The following HNF1A variants were observed in gnomAD, a reference collection of about 807,000 sequenced individuals.
HNF1A encodes hepatocyte nuclear factor 1-alpha.
Under a neutral mutation model 62.2 loss-of-function variants are expected in HNF1A, and 21 were observed. That is an observed-to-expected ratio of 0.34 (90% CI 0.24 to 0.49). The LOEUF (loss-of-function observed/expected upper bound fraction) is 0.49, where lower values mean the gene tolerates loss of function less well. Ranked by LOEUF, HNF1A falls within the 20% of genes least tolerant of loss-of-function variation. The pLI is 0.99. For missense variants in HNF1A, 687 were observed against 832.3 expected (o/e 0.83, Z 2.15); for synonymous variants, 374 against 366.8 (o/e 1.02, Z -0.22).
chr12:120,997,200 G>A (rs1371597640), intron 6 of HNF1A: 9 of 1,416,284 alleles, frequency 6.4e-6, no homozygotes, highest in Non-Finnish European at 7.3e-6. Context: ...GAACCCCAGG[G>A]CTCCAGGGAA....
In HNF1A at chr12:120,989,004, C is replaced by T. The variant is rs1876675633; in HGVS notation, c.498C>T (p.Tyr166=). ...TQKRAALYTW[Y]VRKQREVAQQ... is the part of the protein sequence containing the mutation. ...AGCGGGCCGCCCTGTACACCTGGTA[C>T]GTCCGCAAGCAGCGAGAGGTGGCGC... The change falls in exon 2 of 10, where the codon TAC becomes TAT. Residue 166 remains tyrosine (Y), a synonymous_variant. Coordinates refer to ENST00000257555, the MANE Select transcript of HNF1A (RefSeq NM_000545.8). 9.9e-6 allele frequency: 16 copies of T among 1,614,198 alleles called. No homozygotes were observed. Among genetic ancestry groups the T allele is most frequent in the East Asian group, 2.2e-5 (1 of 44,888 alleles).
rs780698787 is a variant in HNF1A, at chr12:120,988,923, C to T, written c.417C>T (p.Leu139=). ...PQREVVDTTG[L]NQSHLSQHLN... ...GGGAGGTGGTCGATACCACTGGCCT[C>T]AACCAGTCCCACCTGTCCCAACACC... Residue 139 remains leucine, a synonymous_variant, in exon 2 of 10, where the codon CTC becomes CTT. Coordinates refer to ENST00000257555, the MANE Select transcript of HNF1A (RefSeq NM_000545.8). 3 of 1,614,266 alleles carry T rather than the reference C, an allele frequency of 1.9e-6. No homozygotes were observed. Among genetic ancestry groups the T allele is most frequent in the East Asian group, 4.5e-5 (2 of 44,892 alleles).
Position 121,001,796 on chromosome 12 carries a change from C to G in HNF1A, c.*604C>G, listed in dbSNP as rs1565889508. ...TGTGCCAGAGCCTGGGGCTCTAACG[C>G]CTGAGCCCAGGGAGGCCGAAGCTAA... On this transcript the variant is annotated 3_prime_UTR_variant, in exon 10 of 10. Coordinates refer to ENST00000257555, the MANE Select transcript of HNF1A (RefSeq NM_000545.8). 1 of 536,250 alleles carries G rather than the reference C, an allele frequency of 1.9e-6. No individual in the cohort carries two copies. The highest frequency in any genetic ancestry group is 3.6e-6 in the Non-Finnish European group (1 of 276,418). The allele number at this position is 536,250 out of a possible 1,614,324, so 33.2% of individuals were successfully genotyped here. A position where few individuals can be genotyped will look rare whatever the true frequency, so the allele number is the denominator to read the frequency against.
In HNF1A at chr12:120,999,586, A is replaced by C. The variant is rs1877318918; in HGVS notation, c.1727A>C (p.Gln576Pro). ...CCCAGCCAGGACCCTGCCAGCATCC[A>C]GCACCTGCAGCCGGCCCACCGGCTC... ...HVPSQDPASI[Q>P]HLQPAHRLSA... The change falls in exon 9 of 10, where the codon CAG becomes CCG. Residue 576 changes from glutamine (Q) to proline (P), a missense_variant. Around this residue, in one of 5 missense-constraint regions of HNF1A, gnomAD observed 408 missense variants for 455.3 expected, o/e 0.90. Transcript: ENST00000257555. The C allele has an allele frequency of 3.1e-6, 5 of 1,612,080 alleles. No homozygotes were observed. The highest frequency in any genetic ancestry group is 3.4e-4 in the Middle Eastern group (2 of 5,876).
In HNF1A at chr12:121,000,906, G is replaced by GTT. The variant is rs3999412; in HGVS notation, c.1769-159_1769-158insTT. ...GGACCCTGGCTGGGAGGCTCCCTTT[G>GTT]AAGAACCGAGGGTAGAGGTGTGACT... On this transcript the variant is annotated intron_variant, in intron 9 of 9. Transcript: ENST00000257555. The GTT allele has an allele frequency of 0.8, 820,637 of 1,029,256 alleles. 330,761 individuals are homozygous for GTT. Among genetic ancestry groups the GTT allele is most frequent in the Admixed American group, 0.9 (45,341 of 50,530 alleles). The allele number at this position is 1,029,256 out of a possible 1,614,324, so 63.8% of individuals were successfully genotyped here. A position where few individuals can be genotyped will look rare whatever the true frequency, so the allele number is the denominator to read the frequency against.
At chr12:120,989,752 GCTGA>G (rs1198633411) in intron 2 of HNF1A, among the ~76,000 whole-genome samples, 7 of 152,330 alleles carry the variant, frequency 4.6e-5, no homozygotes, top group Middle Eastern at 3.4e-3. Flanking sequence ...AGGGTGCTGA[GCTGA>G]CTGTCGACTG....
intron 7 of HNF1A, among the ~76,000 whole-genome samples, chr12:120,998,864 T>C (rs539881670): frequency 2.0e-5 from 3 of 151,990 alleles, no homozygotes; most frequent in African/African-American, 7.2e-5. Flanking sequence ...ATAGCACCTG[T>C]GTTTAGTATA....
intron 1 of HNF1A, among the ~76,000 whole-genome samples, chr12:120,987,103 T>A (rs537232666): frequency 1.3e-5 from 2 of 152,078 alleles, no homozygotes; most frequent in Non-Finnish European, 2.9e-5. Context: ...ACCCACAGAG[T>A]AGGATTCCAG....
At position 120,994,283 on chromosome 12, in the gene HNF1A, G is replaced by A. The variant is rs760640415; in HGVS notation, c.833G>A (p.Arg278Gln). Reference protein sequence around the residue: ...FANRRKEEAFRHKLAMDTYSG... With the variant: ...FANRRKEEAFQHKLAMDTYSG... Reference sequence around the variant, plus strand: ...AACCGGCGCAAAGAAGAAGCCTTCCGGCACAAGCTGGCCATGGACACGTAC... The same window carrying A: ...AACCGGCGCAAAGAAGAAGCCTTCCAGCACAAGCTGGCCATGGACACGTAC... Residue 278 changes from arginine (R) to glutamine (Q), a missense_variant, in exon 4 of 10, where the codon CGG becomes CAG. Around this residue, in one of 5 missense-constraint regions of HNF1A, gnomAD observed 47 missense variants for 109.4 expected, o/e 0.43. Transcript: ENST00000257555. The A allele has an allele frequency of 1.9e-6, 3 of 1,613,140 alleles. No homozygotes were observed. Among genetic ancestry groups the A allele is most frequent in the East Asian group, 2.2e-5 (1 of 44,874 alleles).
intron 7 of HNF1A, chr12:120,998,016 A>C (rs1877206854): frequency 3.6e-6 from 2 of 559,624 alleles, no homozygotes; most frequent in African/African-American, 3.8e-5. Context: ...GTGGTGGCTC[A>C]TGCCTGTAAT....
In HNF1A at chr12:121,001,523, C is replaced by T; in HGVS notation, c.*331C>T. The T allele has an allele frequency of 2.2e-6, 1 of 452,452 alleles. No individual in the cohort carries two copies. The highest frequency in any genetic ancestry group is 4.2e-6 in the Non-Finnish European group (1 of 240,478). 28.0% of individuals were successfully genotyped at this position (452,452 alleles called of 1,614,324 possible). ...GGGCGGCCTATGACTTGGGCACCCC[C>T]AGCCTGGGCCTATGGAGAGCCCTGG... On this transcript the variant is annotated 3_prime_UTR_variant, in exon 10 of 10. Coordinates refer to ENST00000257555, the MANE Select transcript of HNF1A (RefSeq NM_000545.8).
rs1309588482 is a variant in HNF1A at position 120,997,272 on chromosome 12, G to A, written c.1310-202G>A. ...CCTCTCCCACTAGCCTAGACAAAGA[G>A]CTAAAGGCTCAGAGAGGGGGAATGA... On this transcript the variant is annotated intron_variant, in intron 6 of 9. Transcript: ENST00000257555. The A allele has an allele frequency of 5.6e-6, 8 of 1,419,108 alleles. No individual in the cohort carries two copies. The East Asian group carries it at 1.8e-4, about 31-fold the overall frequency. 87.9% of individuals were successfully genotyped at this position (1,419,108 alleles called of 1,614,324 possible).
rs745472106 is a variant in HNF1A at position 120,996,305 on chromosome 12, A to G, written c.999A>G (p.Val333=). The change falls in exon 5 of 10, where the codon GTA becomes GTG. Residue 333 remains valine (V), a synonymous_variant. Transcript: ENST00000257555. The surrounding 1 kb of genome is among the most constrained non-coding windows in gnomAD (Gnocchi z 4.5). ...GQPATSETAE[V]PSSSGGPLVT... is the part of the protein sequence containing the mutation. The stretch of plus-strand genomic sequence containing the variant: ...CTGCGACCAGTGAGACTGCAGAAGT[A>G]CCCTCAAGCAGCGGCGGTCCCTTAG... 2 of 1,613,964 alleles carry G rather than the reference A, an allele frequency of 1.2e-6. No homozygotes were observed. Among genetic ancestry groups the G allele is most frequent in the Admixed American group, 1.7e-5 (1 of 59,992 alleles).
At chr12:120,981,093 A>AT (rs1443897945) in intron 1 of HNF1A, 3 of 152,120 alleles carry the variant, frequency 2.0e-5, no homozygotes, top group Admixed American at 2.0e-4. Context: ...AACAAAAGGG[A>AT]TCGGAAAACG....
At position 120,993,778 on chromosome 12, in the gene HNF1A, T is replaced by C. The variant is rs1306352166; in HGVS notation, c.713+72T>C. On this transcript the variant is annotated intron_variant, in intron 3 of 9. Transcript: ENST00000257555. The stretch of plus-strand genomic sequence containing the variant: ...CAAGGCCAGGGAAGGGGAAGGTGAC[T>C]CTAGGTCCTGTAAAAGGCTGTCCAG... 21 of 1,497,624 alleles carry C rather than the reference T, an allele frequency of 1.4e-5. No homozygotes were observed. In the Middle Eastern group the frequency reaches 1.3e-3, roughly 90 times the overall value. 92.8% of individuals were successfully genotyped at this position (1,497,624 alleles called of 1,614,324 possible). A position where few individuals can be genotyped will look rare whatever the true frequency, so the allele number is the denominator to read the frequency against.
At chr12:120,987,516 T>G (rs2708087) in intron 1 of HNF1A, among the ~76,000 whole-genome samples, 126,092 of 146,164 alleles carry the variant, frequency 0.86, 54,901 homozygotes, top group East Asian at 1. Flanking sequence ...AAAACCAGCC[T>G]CCTGTTCTGG....
chr12:120,992,068 A>T (rs559306846), intron 2 of HNF1A, among the ~76,000 whole-genome samples: 11 of 152,204 alleles, frequency 7.2e-5, no homozygotes, highest in African/African-American at 2.4e-4. Flanking sequence ...TAGTATTAGG[A>T]CTCTTTCAGT....
chr12:120,985,495 A>G (rs1436014321), intron 1 of HNF1A, among the ~76,000 whole-genome samples: 1 of 149,652 alleles, frequency 6.7e-6, no homozygotes, highest in East Asian at 2.0e-4. Context: ...AAAAAAAAAA[A>G]TAGAAAAAAG....
rs558470464 is a variant in HNF1A, at chr12:120,996,726, C to T, written c.1293C>T (p.Ala431=). The change falls in exon 6 of 10, where the codon GCC becomes GCT. Residue 431 remains alanine (A), a synonymous_variant. Coordinates refer to ENST00000257555, the MANE Select transcript of HNF1A (RefSeq NM_000545.8). This position sits in a 1 kb window ranked among gnomAD's most constrained non-coding sequence, Gnocchi z 4.5. ...GTCCTACGTTCACCAACACAGGTGC[C>T]TCCACCCTGGTCATCGGTAAGCTGG... The part of the protein sequence containing the change: ...SLGPTFTNTG[A]STLVIGLAST... 1 of 1,614,112 alleles carries T rather than the reference C, an allele frequency of 6.2e-7. No individual in the cohort carries two copies. Among genetic ancestry groups the T allele is most frequent in the East Asian group, 2.2e-5 (1 of 44,868 alleles).
Sources: allele counts gnomAD v4.1 joint callset (sites outside exome capture counted in the v4.1 genomes callset), GRCh38; gene constraint gnomAD v4.1.1; regional missense constraint gnomAD v4.1.1; non-coding constraint Gnocchi (gnomAD v3.1); transcripts MANE v1.5; gene names NCBI Gene and HGNC (gene_info 2026-07-23, HGNC 2026-07-21).